Variants in PTPRO observed in about 807,000 individuals in gnomAD.
PTPRO encodes the protein protein tyrosine phosphatase receptor type O.
PTPRO carries 62 observed loss-of-function variants against 145.2 expected under a neutral mutation model. The ratio of observed to expected loss-of-function variants is 0.43; its 90% CI spans 0.35 to 0.53. PTPRO has a LOEUF of 0.53. Ranked by LOEUF, PTPRO falls within the 20% of genes least tolerant of loss-of-function variation. The pLI is 0.01. For synonymous variants in PTPRO, 565 were observed against 514.7 expected (o/e 1.10, Z -1.32); for missense variants, 1,345 against 1,482.7 (o/e 0.91, Z 1.53).
rs142674969 is a variant in PTPRO at position 15,560,221 on chromosome 12, C to T, written c.2656C>T (p.Leu886=). 1 of 1,595,990 alleles carries T rather than the reference C, an allele frequency of 6.3e-7. No individual in the cohort carries two copies. The highest frequency in any genetic ancestry group is 1.3e-5 in the African/African-American group (1 of 74,548). Residue 886 remains leucine, a synonymous_variant, in exon 17 of 27, where the codon CTG becomes TTG. Coordinates refer to ENST00000281171, the MANE Select transcript of PTPRO (RefSeq NM_030667.3). ...WRRSIFAFLT[L]LPSCLWTDYL... is the part of the protein sequence containing the mutation. ...TAGGAGTATATTTGCTTTCTTAACC[C>T]TGCTACCCTCATGTCTTTGGACTGA... is the stretch of plus-strand genomic sequence containing the variant.
chr12:15,380,437 C>T (rs7963553), intron 1 of PTPRO, among the ~76,000 whole-genome samples: 18,936 of 151,700 alleles, frequency 0.12, 2,460 homozygotes, highest in African/African-American at 0.33. Flanking sequence ...GGAAACTGCA[C>T]GAAAAGAGAG....
chr12:15,467,295 C>T (rs897991422), intron 1 of PTPRO, among the ~76,000 whole-genome samples: 3 of 152,032 alleles, frequency 2.0e-5, no homozygotes, highest in African/African-American at 7.2e-5. Context: ...CACTTGGATG[C>T]CCACAGTCAT....
At chr12:15,585,998 A>G (rs913824272) in intron 23 of PTPRO, among the ~76,000 whole-genome samples, 1 of 152,228 alleles carries the variant, frequency 6.6e-6, no homozygotes. Context: ...CAACCATACA[A>G]TTGCACGGAG....
chr12:15,554,894 C>T (rs374847527), intron 15 of PTPRO, among the ~76,000 whole-genome samples: 1 of 152,252 alleles, frequency 6.6e-6, no homozygotes, highest in African/African-American at 2.4e-5. Context: ...AGAGTAGCCA[C>T]CTGGACATAA....
At chr12:15,501,256 TA>T (rs1942215719) in intron 4 of PTPRO, among the ~76,000 whole-genome samples, 1 of 140,826 alleles carries the variant, frequency 7.1e-6, no homozygotes, top group African/African-American at 2.7e-5. Context: ...GGTTTTTTTG[TA>T]ATAAAAATCC....
chr12:15,543,491 G>T (rs1413999254), intron 12 of PTPRO, among the ~76,000 whole-genome samples: 1 of 152,172 alleles, frequency 6.6e-6, no homozygotes, highest in Non-Finnish European at 1.5e-5. Flanking sequence ...AAACAGAAGA[G>T]AACATTAAGA....
chr12:15,404,671 AAG>A (rs765045069), intron 1 of PTPRO, among the ~76,000 whole-genome samples: 6 of 152,224 alleles, frequency 3.9e-5, no homozygotes, highest in African/African-American at 7.2e-5. Flanking sequence ...ATCTGAGACT[AAG>A]AGAAAAAAAA....
At chr12:15,448,184 C>A (rs1398350972) in intron 1 of PTPRO, among the ~76,000 whole-genome samples, 2 of 151,664 alleles carry the variant, frequency 1.3e-5, no homozygotes, top group African/African-American at 2.4e-5. Flanking sequence ...ATATGTAATT[C>A]TCCTACTTAC....
chr12:15,508,884 T>C (rs1301705833), intron 7 of PTPRO, 117 bp downstream of exon 7: 1 of 1,036,962 alleles, frequency 9.6e-7, no homozygotes, highest in Non-Finnish European at 1.4e-6. Flanking sequence ...ATGGGTGTGT[T>C]CTGTGACTGT....
At chr12:15,560,153 C>A in intron 16 of PTPRO, 40 bp from the exon 17 acceptor site, 1 of 1,463,466 alleles carries the variant, frequency 6.8e-7, no homozygotes, top group Non-Finnish European at 9.6e-7. Context: ...ACTCTTGCAA[C>A]TTTTTCATCT....
chr12:15,400,701 A>C (rs1939468918), intron 1 of PTPRO, among the ~76,000 whole-genome samples: 1 of 152,198 alleles, frequency 6.6e-6, no homozygotes, highest in African/African-American at 2.4e-5. Context: ...TGTTCAACAG[A>C]TTCTTGTAAA....
chr12:15,360,933 CAT>C lies in PTPRO; in HGVS notation c.75+38138_75+38139del, dbSNP rs547993623. 8.7e-3 allele frequency among the ~76,000 whole-genome samples: 1,101 copies of C among 126,954 alleles called. 21 individuals carry two copies. Among genetic ancestry groups the C allele is most frequent in the Non-Finnish European group, 0.012 (714 of 59,046 alleles). The allele number at this position is 126,954 out of a possible 152,430, so 83.3% of individuals were successfully genotyped here. A position where few individuals can be genotyped will look rare whatever the true frequency, so the allele number is the denominator to read the frequency against. On this transcript the variant is annotated intron_variant, in intron 1 of 26. Coordinates refer to ENST00000281171, the MANE Select transcript of PTPRO (RefSeq NM_030667.3). Reference sequence around the variant, plus strand: ...ATATACACACATGTATATACACACACATATATACACACGTGTATATACACACA... The same window carrying C: ...ATATACACACATGTATATACACACACATATACACACGTGTATATACACACA...
chr12:15,462,168 A>G (rs1044062036), intron 1 of PTPRO, among the ~76,000 whole-genome samples: 2 of 152,074 alleles, frequency 1.3e-5, no homozygotes, highest in Non-Finnish European at 2.9e-5. Flanking sequence ...CTTGTTGCCC[A>G]GGCTGGAATG....
At chr12:15,477,417 G>C (rs1436259599) in intron 1 of PTPRO, among the ~76,000 whole-genome samples, 1 of 149,646 alleles carries the variant, frequency 6.7e-6, no homozygotes, top group East Asian at 2.0e-4. Context: ...TGAGTTAGTG[G>C]GCGCAGCGCA....
At chr12:15,543,186 A>G (rs1280396840) in intron 12 of PTPRO, among the ~76,000 whole-genome samples, 2 of 152,240 alleles carry the variant, frequency 1.3e-5, no homozygotes, top group Non-Finnish European at 1.5e-5. Flanking sequence ...TAGAGCTGAC[A>G]TGTAAACGTC....
chr12:15,457,673 C>T (rs11837880), intron 1 of PTPRO, among the ~76,000 whole-genome samples: 2,226 of 152,170 alleles, frequency 0.015, 60 homozygotes, highest in African/African-American at 0.05. Flanking sequence ...CAAAGGTTTA[C>T]ATAACACAAC....
At chr12:15,576,306 C>T (rs924260115) in intron 19 of PTPRO, among the ~76,000 whole-genome samples, 2 of 152,216 alleles carry the variant, frequency 1.3e-5, no homozygotes, top group African/African-American at 4.8e-5. Context: ...ATGCAGTTCC[C>T]ACTTTGCTGC....
At chr12:15,564,775 C>T (rs953496679) in intron 17 of PTPRO, among the ~76,000 whole-genome samples, 3 of 152,118 alleles carry the variant, frequency 2.0e-5, no homozygotes, top group African/African-American at 7.2e-5. Flanking sequence ...AAAAAGTTTG[C>T]TGTAACATCA....
chr12:15,448,286 C>CCACCTGGCA (rs1216935530), intron 1 of PTPRO, among the ~76,000 whole-genome samples: 1 of 127,954 alleles, frequency 7.8e-6, no homozygotes, highest in Non-Finnish European at 1.6e-5. Flanking sequence ...TCAAAAGAAT[C>CCACCTGGCA]CACCTGGCAT....
Sources: gnomAD v4.1 joint callset for allele counts (sites outside exome capture counted in the v4.1 genomes callset) on GRCh38, gnomAD v4.1.1 for gene constraint, MANE v1.5 for transcripts, NCBI Gene and HGNC (gene_info 2026-07-23, HGNC 2026-07-21) for gene names.